RARA: variants seen among roughly 807,000 people sequenced by gnomAD.
The protein encoded by RARA is retinoic acid receptor alpha.
In RARA, 5 loss-of-function variants were observed where a neutral mutation model predicts 42.8. The observed-to-expected ratio is 0.12, with a 90% CI of 0.06 to 0.25. The LOEUF (loss-of-function observed/expected upper bound fraction) is 0.25, where lower values mean the gene tolerates loss of function less well. Ranked by LOEUF, RARA falls within the 10% of genes least tolerant of loss-of-function variation. The probability of loss-of-function intolerance (pLI) is 1.00; values close to 1 mark genes in which losing one functional copy is unlikely to be tolerated. For synonymous variants in RARA, 256 were observed against 259.5 expected, an observed-to-expected ratio of 0.99 and a Z score of 0.13; for missense variants, 402 against 628.7, an observed-to-expected ratio of 0.64 and a Z score of 3.86.
chr17:40,342,938 G>C (rs978472559), intron 2 of RARA: 1 of 1,540,674 alleles, frequency 6.5e-7, no homozygotes, highest in Admixed American at 1.9e-5. Context: ...CTACTACTCG[G>C]GGGTGAGAGT....
chr17:40,315,273 C>G (rs2033188978), intron 1 of RARA, among the ~76,000 whole-genome samples: 1 of 150,846 alleles, frequency 6.6e-6, no homozygotes, highest in African/African-American at 2.4e-5. Flanking sequence ...CTCCTGGAGT[C>G]AAGCAACTCC....
chr17:40,343,967 T>A (rs1246835030), intron 2 of RARA, among the ~76,000 whole-genome samples: 1 of 152,132 alleles, frequency 6.6e-6, no homozygotes, highest in Non-Finnish European at 1.5e-5. Flanking sequence ...GGGTTATTGT[T>A]AGATGGCTCA....
At chr17:40,329,638 A>G (rs2033638172) in intron 1 of RARA, among the ~76,000 whole-genome samples, 1 of 151,856 alleles carries the variant, frequency 6.6e-6, no homozygotes, top group Non-Finnish European at 1.5e-5. Context: ...TATTTTTAGT[A>G]GAGACAGGAT....
At chr17:40,319,857 G>T (rs1193018361) in intron 1 of RARA, among the ~76,000 whole-genome samples, 2 of 152,156 alleles carry the variant, frequency 1.3e-5, no homozygotes, top group Non-Finnish European at 2.9e-5. Context: ...CTGGGGGAAG[G>T]AACAAGAGAA....
chr17:40,339,749 G>C (rs1026175145), intron 2 of RARA, among the ~76,000 whole-genome samples: 1 of 152,100 alleles, frequency 6.6e-6, no homozygotes, highest in African/African-American at 2.4e-5. Flanking sequence ...CTTCTCCCCT[G>C]TTCCTGCCAT....
chr17:40,341,962 C>A, intron 2 of RARA: 1 of 1,135,600 alleles, frequency 8.8e-7, no homozygotes. Flanking sequence ...TGCTTCTCTC[C>A]TCTCCTCCCC....
Position 40,331,060 on chromosome 17 carries a change from G to A in RARA, c.-159G>A. The stretch of plus-strand genomic sequence containing the variant: ...TGGGGGCTCCAGGAGACTGAGATTA[G>A]CCTGCCCTCTTTGGACAGCAGCTCC... On this transcript the variant is annotated 5_prime_UTR_variant, in exon 2 of 9. Coordinates refer to ENST00000254066, the MANE Select transcript of RARA (RefSeq NM_000964.4). 1 of 826,756 alleles carries A rather than the reference G, an allele frequency of 1.2e-6. No individual in the cohort carries two copies. Among genetic ancestry groups the A allele is most frequent in the South Asian group, 1.8e-5 (1 of 54,374 alleles). 51.2% of individuals were successfully genotyped at this position (826,756 alleles called of 1,614,324 possible).
chr17:40,325,191 C>T (rs1337793885), intron 1 of RARA, among the ~76,000 whole-genome samples: 1 of 151,846 alleles, frequency 6.6e-6, no homozygotes, highest in African/African-American at 2.4e-5. Context: ...GCGGAGGTTG[C>T]AGTGAGCCGA....
chr17:40,326,071 C>A lies in RARA; in HGVS notation c.-362-4786C>A, dbSNP rs2033537607. Among the ~76,000 whole-genome samples, 1 of 152,230 alleles carries A rather than the reference C, an allele frequency of 6.6e-6. No homozygotes were observed. Among genetic ancestry groups the A allele is most frequent in the South Asian group, 2.1e-4 (1 of 4,836 alleles). ...CCCACACCCCGAATATCCCTTTCCC[C>A]ACATCCCTCTCCTCCATCCGAGGGA... On this transcript the variant is annotated intron_variant, in intron 1 of 8. Coordinates refer to ENST00000254066, the MANE Select transcript of RARA (RefSeq NM_000964.4). This position sits in a 1 kb window ranked among gnomAD's most constrained non-coding sequence, Gnocchi z 5.2.
At chr17:40,341,249 G>C in intron 2 of RARA, 1 of 1,191,728 alleles carries the variant, frequency 8.4e-7, no homozygotes, top group Non-Finnish European at 1.1e-6. Context: ...GGCCGGTACT[G>C]GTTCCCCAGC....
intron 2 of RARA, chr17:40,341,711 G>C: frequency 1.5e-6 from 2 of 1,327,530 alleles, no homozygotes; most frequent in Non-Finnish European, 1.9e-6. Flanking sequence ...CTGGGTGGGG[G>C]TGTGTGTTAA....
chr17:40,322,562 C>G (rs986212831), intron 1 of RARA, among the ~76,000 whole-genome samples: 1 of 152,090 alleles, frequency 6.6e-6, no homozygotes, highest in Non-Finnish European at 1.5e-5. Context: ...TCCCGGCCCT[C>G]CCCCCGGAGC....
intron 2 of RARA, chr17:40,341,118 C>G (rs749099792): frequency 9.8e-6 from 4 of 408,118 alleles, no homozygotes; most frequent in Non-Finnish European, 8.6e-6. Flanking sequence ...TTCTAGGGAC[C>G]TACCCAAGCT....
rs764213484 is a variant in RARA, at chr17:40,326,435, C to T, written c.-362-4422C>T. ...CCCTTCCGACTTCTGGTTCTTTCTC[C>T]CATCTTCGTGGCTCAGAAAGCTCTC... is the stretch of plus-strand genomic sequence containing the variant. On this transcript the variant is annotated intron_variant, in intron 1 of 8. Coordinates refer to ENST00000254066, the MANE Select transcript of RARA (RefSeq NM_000964.4). The surrounding 1 kb of genome is among the most constrained non-coding windows in gnomAD (Gnocchi z 5.2). 5.3e-5 allele frequency: 8 copies of T among 152,288 alleles called. No homozygotes were observed. Among genetic ancestry groups the T allele is most frequent in the African/African-American group, 1.7e-4 (7 of 41,450 alleles). 9.4% of individuals were successfully genotyped at this position (152,288 alleles called of 1,614,324 possible).
In RARA at chr17:40,356,235, G is replaced by A. The variant is rs576294738; in HGVS notation, c.*9G>A. 430 of 1,549,216 alleles carry A rather than the reference G, an allele frequency of 2.8e-4. 1 individual carries two copies. Among genetic ancestry groups the A allele is most frequent in the African/African-American group, 2.7e-3 (200 of 73,150 alleles). Reference sequence around the variant, plus strand: ...CCACCCACTCCCCGTGACCGCCCACGCCACATGGACACAGCCCTCGCCCTC... The same window carrying A: ...CCACCCACTCCCCGTGACCGCCCACACCACATGGACACAGCCCTCGCCCTC... On this transcript the variant is annotated 3_prime_UTR_variant, in exon 9 of 9. Coordinates refer to ENST00000254066, the MANE Select transcript of RARA (RefSeq NM_000964.4).
intron 2 of RARA, among the ~76,000 whole-genome samples, chr17:40,340,284 C>G (rs762264679): frequency 6.6e-6 from 1 of 152,218 alleles, no homozygotes; most frequent in East Asian, 1.9e-4. Flanking sequence ...ATTCTTCACA[C>G]AACTACTGGA....
intron 1 of RARA, among the ~76,000 whole-genome samples, chr17:40,321,928 C>A (rs2033400308): frequency 1.3e-5 from 2 of 152,196 alleles, no homozygotes; most frequent in South Asian, 4.1e-4. Context: ...CCCTGTCCTG[C>A]CTGATGACCC....
intron 1 of RARA, among the ~76,000 whole-genome samples, chr17:40,325,824 G>A (rs2033529756): frequency 1.3e-5 from 2 of 152,164 alleles, no homozygotes; most frequent in African/African-American, 2.4e-5. Flanking sequence ...CTTGGGAACC[G>A]TTGTTTTGGG....
At chr17:40,316,160 A>G (rs1411461196) in intron 1 of RARA, among the ~76,000 whole-genome samples, 4 of 152,212 alleles carry the variant, frequency 2.6e-5, no homozygotes, top group Non-Finnish European at 5.9e-5. Flanking sequence ...CAGGAAGGAA[A>G]TGCCCCAAAG....
Sources: allele counts gnomAD v4.1 joint callset (sites outside exome capture counted in the v4.1 genomes callset), GRCh38; gene constraint gnomAD v4.1.1; non-coding constraint Gnocchi (gnomAD v3.1); transcripts MANE v1.5; gene names NCBI Gene and HGNC (gene_info 2026-07-23, HGNC 2026-07-21).